The following TTN variants were observed in gnomAD, a reference collection of about 807,000 sequenced individuals.
TTN encodes titin.
TTN carries 1,525 observed loss-of-function variants against 3,223.0 expected under a neutral mutation model. The ratio of observed to expected loss-of-function variants is 0.47; its 90% CI spans 0.45 to 0.49. The LOEUF is 0.49. Ranked by LOEUF, TTN falls within the 20% of genes least tolerant of loss-of-function variation. TTN has a pLI of 0.00. For missense variants in TTN, 40,786 were observed against 43,424.0 expected (o/e 0.94, Z 5.40); for synonymous variants, 14,094 against 15,161.0 (o/e 0.93, Z 5.17).
chr2:178,771,250 C>T lies in TTN; in HGVS notation c.8077G>A (p.Val2693Met), dbSNP rs1349732520. ...LDDIGEYTYK[V>M]ATSKTSAKLK... ...TTGGCAGATGTTTTGGAGGTGGCCA[C>T]CTTGTAGGTATATTCTCCAATGTCA... is the stretch of plus-strand genomic sequence containing the variant. The change falls in exon 34 of 363, where the codon GTG becomes ATG. Residue 2693 changes from valine (V) to methionine (M), a missense_variant. By Grantham distance (21) the Val-to-Met change is conservative. Coordinates refer to ENST00000589042, the MANE Select transcript of TTN (RefSeq NM_001267550.2). The T allele has an allele frequency of 6.2e-7, 1 of 1,614,084 alleles. No homozygotes were observed. Among genetic ancestry groups the T allele is most frequent in the East Asian group, 2.2e-5 (1 of 44,838 alleles).
At chr2:178,805,632 T>A (rs2094282920) in intron 1 of TTN, among the ~76,000 whole-genome samples, 1 of 152,192 alleles carries the variant, frequency 6.6e-6, no homozygotes, top group Non-Finnish European at 1.5e-5. Context: ...TTCTTCATAC[T>A]GTAACTGTGC....
Position 178,590,923 on chromosome 2 carries a change from T to C in TTN, c.60802A>G (p.Lys20268Glu). Residue 20268 changes from lysine to glutamate, a missense_variant, in exon 304 of 363, where the codon AAA becomes GAA. Coordinates refer to ENST00000589042, the MANE Select transcript of TTN (RefSeq NM_001267550.2). ...LDSTPTVAKHKFSPPSPPGKP... is the reference protein window; with the variant it reads ...LDSTPTVAKHEFSPPSPPGKP... The stretch of plus-strand genomic sequence containing the variant: ...CCAGGAGGAGACGGAGGACTAAATT[T>C]ATGCTTAGCAACAGTAGGTGTGGAG... 1 of 1,613,066 alleles carries C rather than the reference T, an allele frequency of 6.2e-7. No homozygotes were observed. The highest frequency in any genetic ancestry group is 8.5e-7 in the Non-Finnish European group (1 of 1,179,296).
chr2:178,714,788 T>G (rs997777217), intron 90 of TTN, among the ~76,000 whole-genome samples, 198 bp downstream of exon 90: 1 of 152,120 alleles, frequency 6.6e-6, no homozygotes, highest in Non-Finnish European at 1.5e-5. Context: ...AATCAAAACC[T>G]AATTACAACA....
rs768065761 is a variant in TTN, at chr2:178,608,166, G to A, written c.52705+12C>T. ...TTGTTCTACTCCACCTTCTTCTTAA[G>A]GAACTACTTACAGATTGGATCATGT... is the stretch of plus-strand genomic sequence containing the variant. On this transcript the variant is annotated intron_variant, in intron 275 of 362. Coordinates refer to ENST00000589042, the MANE Select transcript of TTN (RefSeq NM_001267550.2). 1 of 1,600,616 alleles carries A rather than the reference G, an allele frequency of 6.2e-7. No individual in the cohort carries two copies. The highest frequency in any genetic ancestry group is 1.1e-5 in the South Asian group (1 of 89,252).
intron 47 of TTN, among the ~76,000 whole-genome samples, chr2:178,743,758 T>A (rs2082921130): frequency 6.6e-6 from 1 of 152,000 alleles, no homozygotes; most frequent in Non-Finnish European, 1.5e-5. Context: ...GCAGAATAAA[T>A]CTCTAAGTTC....
Position 178,547,711 on chromosome 2 carries a change from GACC to G in TTN, c.93912_93914del (p.Val31305del). 1 of 1,613,880 alleles carries G rather than the reference GACC, an allele frequency of 6.2e-7. No homozygotes were observed. Among genetic ancestry groups the G allele is most frequent in the Non-Finnish European group, 8.5e-7 (1 of 1,179,826 alleles). On this transcript the variant is annotated inframe_deletion, in exon 339 of 363. Transcript: ENST00000589042. ...CGGTTACTGGACCTGGCCTTCCAAT[GACC>G]ACAACTGTGACGCTAAATGTTTTAA... is the stretch of plus-strand genomic sequence containing the variant.
rs1459992589 is a variant in TTN, at chr2:178,732,716, G to A, written c.16345C>T (p.Pro5449Ser). The change falls in exon 56 of 363, where the codon CCA becomes TCA. Residue 5449 changes from proline (P) to serine (S), a missense_variant and splice_region_variant. By Grantham distance (74) the Pro-to-Ser change is moderately conservative. Coordinates refer to ENST00000589042, the MANE Select transcript of TTN (RefSeq NM_001267550.2). ...CCGGGTTTAGTTACAAAACTGGGTG[G>A]TTCTGAAGAAGGGGTATAAGAAAGA... ...DSSGALIVQE[P>S]PSFVTKPGSK... The A allele has an allele frequency of 6.3e-7, 1 of 1,584,494 alleles. No individual in the cohort carries two copies. The highest frequency in any genetic ancestry group is 8.6e-7 in the Non-Finnish European group (1 of 1,166,248).
intron 6 of TTN, among the ~76,000 whole-genome samples, chr2:178,796,246 T>G (rs180689295): frequency 6.6e-6 from 1 of 152,366 alleles, no homozygotes; most frequent in East Asian, 1.9e-4. Flanking sequence ...TAAGGCTTAT[T>G]ACATTTTCCT....
At chr2:178,647,816 G>A (rs997891190) in intron 213 of TTN, among the ~76,000 whole-genome samples, 1 of 152,070 alleles carries the variant, frequency 6.6e-6, no homozygotes, top group African/African-American at 2.4e-5. Context: ...TTAAGCTCCT[G>A]ATACACACTC....
Position 178,740,149 on chromosome 2 carries a change from C to G in TTN, c.13084G>C (p.Glu4362Gln), listed in dbSNP as rs761568803. Residue 4362 changes from glutamate (E) to glutamine (Q), a missense_variant, in exon 48 of 363, where the codon GAG becomes CAG. Coordinates refer to ENST00000589042, the MANE Select transcript of TTN (RefSeq NM_001267550.2). Reference sequence around the variant, plus strand: ...TGCACTTTCTTTATTGCCACGGGCTCTCTTTTAGACTCAATGATTTGGTCT... The same window carrying G: ...TGCACTTTCTTTATTGCCACGGGCTGTCTTTTAGACTCAATGATTTGGTCT... ...PPDQIIESKREPVAIKKVQEV... is the reference protein window; with the variant it reads ...PPDQIIESKRQPVAIKKVQEV... 11 of 1,613,620 alleles carry G rather than the reference C, an allele frequency of 6.8e-6. No individual in the cohort carries two copies. The highest frequency in any genetic ancestry group is 1.3e-5 in the African/African-American group (1 of 74,896).
Position 178,741,251 on chromosome 2 carries a change from T to G in TTN, c.11982A>C (p.Gly3994=), listed in dbSNP as rs796115785. The change falls in exon 48 of 363, where the codon GGA becomes GGC. Residue 3994 remains glycine (G), a synonymous_variant. Coordinates refer to ENST00000589042, the MANE Select transcript of TTN (RefSeq NM_001267550.2). ...TCTGAGGGTCATTGACAATGAAAGT[T>G]CCAGAGCCATTAGGGTTATGAATGA... The part of the protein sequence containing the change: ...YTIIHNPNGS[G]TFIVNDPQRE... 2 of 1,613,688 alleles carry G rather than the reference T, an allele frequency of 1.2e-6. No homozygotes were observed. The highest frequency in any genetic ancestry group is 1.7e-6 in the Non-Finnish European group (2 of 1,179,818).
Position 178,733,528 on chromosome 2 carries a change from A to G in TTN, c.15776-11T>C. ...TGATTTTGGCAGGTTCTACAATGGT[A>G]TGAAATAGTTAGCACCCTAAATGCT... On this transcript the variant is annotated splice_polypyrimidine_tract_variant and intron_variant, in intron 53 of 362. Coordinates refer to ENST00000589042, the MANE Select transcript of TTN (RefSeq NM_001267550.2). The G allele has an allele frequency of 1.9e-6, 3 of 1,606,076 alleles. No homozygotes were observed. Among genetic ancestry groups the G allele is most frequent in the Non-Finnish European group, 8.5e-7 (1 of 1,174,880 alleles).
At chr2:178,742,036 T>TC in intron 47 of TTN, 115 bp from the exon 48 acceptor site, 3 of 822,824 alleles carry the variant, frequency 3.6e-6, no homozygotes, top group Non-Finnish European at 4.9e-6. Context: ...CCTGGAATGA[T>TC]TAGATTATTC....
rs1284529298 is a variant in TTN at position 178,601,884 on chromosome 2, G to A, written c.55300C>T (p.Gln18434Ter). The A allele has an allele frequency of 6.2e-7, 1 of 1,610,536 alleles. No individual in the cohort carries two copies. Among genetic ancestry groups the A allele is most frequent in the Non-Finnish European group, 8.5e-7 (1 of 1,178,688 alleles). ...TATTTTAATTATTATTTTTTTACCT[G>A]TGCATCTTCGGGTATGTCATGAACT... is the stretch of plus-strand genomic sequence containing the variant. Reference protein sequence around the residue: ...DGVHDIPEDAQLETAENSSVI... With the variant: ...DGVHDIPEDA The change falls in exon 285 of 363, where the codon CAG (glutamine) becomes TAG (stop). Residue 18434 changes from glutamine to a stop codon, truncating the protein, a stop_gained and splice_region_variant. Coordinates refer to ENST00000589042, the MANE Select transcript of TTN (RefSeq NM_001267550.2). LOFTEE classifies it high-confidence loss of function.
In TTN at chr2:178,530,330, T is replaced by A. The variant is rs878963350; in HGVS notation, c.106285A>T (p.Thr35429Ser). The A allele has an allele frequency of 1.2e-6, 2 of 1,613,904 alleles. No homozygotes were observed. The highest frequency in any genetic ancestry group is 2.7e-5 in the African/African-American group (2 of 74,942). The change falls in exon 358 of 363, where the codon ACA (threonine) becomes TCA (serine). Residue 35429 changes from threonine (T) to serine (S), a missense_variant. Thr to Ser is a moderately conservative substitution (Grantham distance 58). Transcript: ENST00000589042. ...GCAACACTGTCTGAAGAAACAGTTG[T>A]ATCCTGCAACCCAGTAACAATTACT... ...KPVIVTGLQDTTVSSDSVAKF... is the reference protein window; with the variant it reads ...KPVIVTGLQDSTVSSDSVAKF...
intron 240 of TTN, 85 bp from the exon 241 acceptor site, chr2:178,625,481 A>T: frequency 1.4e-6 from 2 of 1,394,542 alleles, no homozygotes; most frequent in Non-Finnish European, 1.9e-6. Flanking sequence ...ATAAATGGAA[A>T]TAGAGCTTTC....
At chr2:178,665,207 C>T (rs2065707931) in intron 165 of TTN, among the ~76,000 whole-genome samples, 170 bp downstream of exon 165, 1 of 152,124 alleles carries the variant, frequency 6.6e-6, no homozygotes, top group African/African-American at 2.4e-5. Flanking sequence ...TTGGCAGAAA[C>T]AGCCATAAAT....
chr2:178,633,791 A>G, intron 231 of TTN, 26 bp downstream of exon 231: 1 of 1,610,000 alleles, frequency 6.2e-7, no homozygotes, highest in Non-Finnish European at 8.5e-7. Flanking sequence ...GAAACTGGCT[A>G]TCTGGTTATA....
At chr2:178,750,173 T>A in intron 47 of TTN, 1 of 1,613,210 alleles carries the variant, frequency 6.2e-7, no homozygotes, top group Non-Finnish European at 8.5e-7. Flanking sequence ...TGTTTGGCCC[T>A]CTTGACTCAT....
Sources: allele counts gnomAD v4.1 joint callset (sites outside exome capture counted in the v4.1 genomes callset), GRCh38; gene constraint gnomAD v4.1.1; transcripts MANE v1.5; gene names NCBI Gene and HGNC (gene_info 2026-07-23, HGNC 2026-07-21).